TPRG1: variants seen among roughly 807,000 people sequenced by gnomAD.
TPRG1 encodes the protein tumor protein p63 regulated 1, also known as tumor protein p63-regulated gene 1 protein.
A neutral mutation model predicts 29.3 loss-of-function variants in TPRG1; 29 were observed. The ratio of observed to expected loss-of-function variants is 0.99; its 90% CI spans 0.74 to 1.35. The LOEUF is 1.35. Ranked by LOEUF, TPRG1 falls within the 40% of genes most tolerant of loss-of-function variation. The pLI is 0.00. For synonymous variants in TPRG1, 130 were observed against 116.8 expected (o/e 1.11, Z -0.73); for missense variants, 327 against 335.0 (o/e 0.98, Z 0.19).
At chr3:189,034,065 T>G (rs1382100626) in intron 4 of TPRG1, among the ~76,000 whole-genome samples, 1 of 152,168 alleles carries the variant, frequency 6.6e-6, no homozygotes, top group African/African-American at 2.4e-5. Context: ...CTTAATAACT[T>G]AAGAATAACC....
intron 4 of TPRG1, among the ~76,000 whole-genome samples, chr3:189,299,198 A>G (rs1361428484): frequency 6.6e-6 from 1 of 152,136 alleles, no homozygotes; most frequent in Non-Finnish European, 1.5e-5. Flanking sequence ...GTGATTTGCC[A>G]AATGTACCAA....
At chr3:189,237,466 A>G (rs973971733) in intron 3 of TPRG1, among the ~76,000 whole-genome samples, 2 of 152,204 alleles carry the variant, frequency 1.3e-5, no homozygotes, top group Admixed American at 1.3e-4. Context: ...ACAAACTGTG[A>G]TAAATGCTGC....
upstream of TPRG1, among the ~76,000 whole-genome samples, chr3:189,171,773 G>T (rs1313765157): frequency 6.6e-6 from 1 of 152,204 alleles, no homozygotes; most frequent in Non-Finnish European, 1.5e-5. Context: ...CCCTCAGCTG[G>T]ATGTGTATTA....
chr3:189,059,660 ATTT>A (rs1301941803), intron 4 of TPRG1, among the ~76,000 whole-genome samples: 2 of 152,148 alleles, frequency 1.3e-5, no homozygotes, highest in Non-Finnish European at 2.9e-5. Flanking sequence ...GATAGTCAAT[ATTT>A]TTGTTTCAGT....
At chr3:189,229,738 G>A (rs1738337056) in intron 3 of TPRG1, among the ~76,000 whole-genome samples, 1 of 152,134 alleles carries the variant, frequency 6.6e-6, no homozygotes, top group Admixed American at 6.5e-5. Context: ...GTCTTTCCAG[G>A]TACCAGGAAG....
chr3:189,219,847 A>C (rs1157436314), intron 3 of TPRG1: 3 of 799,118 alleles, frequency 3.8e-6, no homozygotes, highest in Non-Finnish European at 4.5e-6. Context: ...CATCTTTATA[A>C]AAGATACTTA....
At chr3:189,059,461 A>G (rs1560420090) in intron 4 of TPRG1, among the ~76,000 whole-genome samples, 1 of 151,916 alleles carries the variant, frequency 6.6e-6, no homozygotes, top group African/African-American at 2.4e-5. Context: ...GTGTGGTGGC[A>G]TGCGCCTGTA....
chr3:189,251,081 T>TTC (rs1247867725), intron 4 of TPRG1, among the ~76,000 whole-genome samples: 11 of 151,420 alleles, frequency 7.3e-5, no homozygotes, highest in South Asian at 6.3e-4. Flanking sequence ...CCCTCCCTCT[T>TTC]TCTCTCTCTC....
chr3:189,243,438 T>C (rs1173525829), intron 4 of TPRG1, among the ~76,000 whole-genome samples: 1 of 152,230 alleles, frequency 6.6e-6, no homozygotes, highest in Non-Finnish European at 1.5e-5. Context: ...AGGAGGTCTC[T>C]AAAATGCCTG....
At chr3:189,190,474 A>T (rs1731525052) in intron 1 of TPRG1, among the ~76,000 whole-genome samples, 1 of 152,132 alleles carries the variant, frequency 6.6e-6, no homozygotes, top group Non-Finnish European at 1.5e-5. Flanking sequence ...CTTCATCAAG[A>T]TAGATAAAAG....
In TPRG1 at chr3:189,207,545, C is replaced by T. The variant is rs1734587425; in HGVS notation, c.161C>T (p.Pro54Leu). Reference sequence around the variant, plus strand: ...AGTGTGACCGAATCAACTCTTTACCCCAATCCTTATCATCAGCCTTATATC... The same window carrying T: ...AGTGTGACCGAATCAACTCTTTACCTCAATCCTTATCATCAGCCTTATATC... ...QSSVTESTLY[P>L]NPYHQPYISR... The change falls in exon 2 of 6, where the codon CCC becomes CTC. Residue 54 changes from proline (P) to leucine (L), a missense_variant. Physicochemically the swap from Pro to Leu is moderately conservative, Grantham distance 98. Transcript: ENST00000345063. 6.2e-7 allele frequency: 1 copy of T among 1,614,016 alleles called. No homozygotes were observed.
chr3:189,013,842 C>T (rs776051464), intron 3 of TPRG1, among the ~76,000 whole-genome samples: 5 of 152,092 alleles, frequency 3.3e-5, no homozygotes, highest in Non-Finnish European at 7.4e-5. Flanking sequence ...ACTAAGATTG[C>T]AACCCCTGCT....
intron 4 of TPRG1, among the ~76,000 whole-genome samples, chr3:189,051,933 C>T (rs1648772886): frequency 6.6e-6 from 1 of 152,148 alleles, no homozygotes; most frequent in South Asian, 2.1e-4. Flanking sequence ...TCACCTTGTA[C>T]AAAAATCAAC....
chr3:189,016,537 C>A (rs961746979), intron 3 of TPRG1, among the ~76,000 whole-genome samples: 1 of 151,956 alleles, frequency 6.6e-6, no homozygotes, highest in Admixed American at 6.6e-5. Flanking sequence ...ACATGAGATT[C>A]GGGAGGGGCT....
intron 3 of TPRG1, among the ~76,000 whole-genome samples, chr3:189,008,288 G>A (rs182273158): frequency 2.0e-5 from 3 of 152,218 alleles, no homozygotes; most frequent in African/African-American, 7.2e-5. Flanking sequence ...AGGAGAGGCA[G>A]CACACTGTGA....
chr3:189,068,819 G>T (rs180768185), intron 4 of TPRG1, among the ~76,000 whole-genome samples: 124 of 151,206 alleles, frequency 8.2e-4, no homozygotes, highest in South Asian at 1.9e-3. Flanking sequence ...AGGGAGGAGG[G>T]AGGAGGGAGG....
chr3:189,059,999 G>A lies in TPRG1; in HGVS notation c.-463+36053G>A, dbSNP rs146835506. ...TGTAAGCCCAGCACTTTGGGAGACC[G>A]AAGTGGGTGGATCACCTGAGGTCTG... is the stretch of plus-strand genomic sequence containing the variant. On this transcript the variant is annotated intron_variant, in intron 4 of 10. Transcript: ENST00000433971. Among the ~76,000 whole-genome samples the A allele has an allele frequency of 2.1e-3, 314 of 152,338 alleles. 1 individual carries two copies. Among genetic ancestry groups the A allele is most frequent in the Admixed American group, 4.2e-3 (65 of 15,308 alleles).
intron 4 of TPRG1, among the ~76,000 whole-genome samples, chr3:189,056,722 G>A (rs1715721714): frequency 6.6e-6 from 1 of 152,122 alleles, no homozygotes; most frequent in African/African-American, 2.4e-5. Context: ...TAACTGGAGT[G>A]GTTACAAGAA....
At chr3:189,251,583 G>A (rs1323164225) in intron 4 of TPRG1, among the ~76,000 whole-genome samples, 1 of 152,152 alleles carries the variant, frequency 6.6e-6, no homozygotes, top group Non-Finnish European at 1.5e-5. Flanking sequence ...GGGGGATGTG[G>A]CAGGATCACA....
Sources: gnomAD v4.1 joint callset for allele counts (sites outside exome capture counted in the v4.1 genomes callset) on GRCh38, gnomAD v4.1.1 for gene constraint, MANE v1.5 for transcripts, NCBI Gene and HGNC (gene_info 2026-07-23, HGNC 2026-07-21) for gene names.